The following STK33 variants were observed in gnomAD, a reference collection of about 807,000 sequenced individuals.
STK33 encodes the protein serine/threonine-protein kinase 33.
A neutral mutation model predicts 58.0 loss-of-function variants in STK33; 52 were observed. That is an observed-to-expected ratio of 0.90 (90% CI 0.72 to 1.13). The LOEUF (loss-of-function observed/expected upper bound fraction) is 1.13, where lower values mean the gene tolerates loss of function less well. Among genes scored for constraint, STK33 ranks in the 50% most tolerant of loss-of-function variants. STK33 has a pLI of 0.00. For missense variants in STK33, 630 were observed against 604.2 expected (o/e 1.04, Z -0.45); for synonymous variants, 215 against 200.1 (o/e 1.07, Z -0.63).
At position 8,413,611 on chromosome 11, in the gene STK33, C is replaced by T; in HGVS notation, c.1228G>A (p.Glu410Lys). The stretch of plus-strand genomic sequence containing the variant: ...TTATTCTTCTCTTCTGTTGTGTTTT[C>T]CTCAACACTTTCTGGGTTATTTTTC... ...EWKNNPESVE[E>K]NTTEEKNKPS... is the part of the protein sequence containing the mutation. The change falls in exon 15 of 16, where the codon GAA becomes AAA. Residue 410 changes from glutamate (E) to lysine (K), a missense_variant. Physicochemically the swap from Glu to Lys is moderately conservative, Grantham distance 56. Transcript: ENST00000687296. 3 of 1,613,986 alleles carry T rather than the reference C, an allele frequency of 1.9e-6. No individual in the cohort carries two copies. Among genetic ancestry groups the T allele is most frequent in the Non-Finnish European group, 2.5e-6 (3 of 1,179,936 alleles).
chr11:8,586,489 A>T (rs1363393062), intron 1 of STK33, among the ~76,000 whole-genome samples: 2 of 151,830 alleles, frequency 1.3e-5, no homozygotes, highest in African/African-American at 4.8e-5. Flanking sequence ...CTTCACACCA[A>T]CCAATGTGTC....
chr11:8,561,403 A>G (rs1410220665), intron 1 of STK33, among the ~76,000 whole-genome samples: 1 of 152,186 alleles, frequency 6.6e-6, no homozygotes, highest in Non-Finnish European at 1.5e-5. Flanking sequence ...GTCAGAAGCC[A>G]GTCTCATTTT....
chr11:8,494,893 T>A (rs1314670900), intron 1 of STK33, among the ~76,000 whole-genome samples: 2 of 152,206 alleles, frequency 1.3e-5, no homozygotes, highest in Non-Finnish European at 2.9e-5. Flanking sequence ...GTTAGCCATA[T>A]GTAGAAAGCT....
At chr11:8,343,040 G>A in the STK33 span, among the ~76,000 whole-genome samples, 1 of 152,372 alleles carries the variant, frequency 6.6e-6, no homozygotes, top group South Asian at 2.1e-4. Context: ...AAGTCCGCTG[G>A]GAGAAGGACT....
At chr11:8,443,452 A>C (rs1318448662) in intron 11 of STK33, among the ~76,000 whole-genome samples, 1 of 152,248 alleles carries the variant, frequency 6.6e-6, no homozygotes, top group Non-Finnish European at 1.5e-5. Flanking sequence ...AGGCTAGGAC[A>C]ACTAACATGC....
At chr11:8,580,037 C>G (rs1201671594) in intron 1 of STK33, among the ~76,000 whole-genome samples, 1 of 152,100 alleles carries the variant, frequency 6.6e-6, no homozygotes, top group Non-Finnish European at 1.5e-5. Flanking sequence ...TTAGTACAAC[C>G]ACTATGGAGA....
In STK33 at chr11:8,440,854, T is replaced by C. The variant is rs1944655957; in HGVS notation, c.872-101A>G. 6.6e-6 allele frequency: 8 copies of C among 1,204,768 alleles called. No individual in the cohort carries two copies. The Admixed American group carries it at 1.5e-4, about 22-fold the overall frequency. The allele number at this position is 1,204,768 out of a possible 1,614,324, so 74.6% of individuals were successfully genotyped here. A position where few individuals can be genotyped will look rare whatever the true frequency, so the allele number is the denominator to read the frequency against. ...AAATGTGCTGATGTGCTGTAATTTATTCCCCCATAGGGAAAAGAGAACCAA... is the reference window on the plus strand; with the variant it reads ...AAATGTGCTGATGTGCTGTAATTTACTCCCCCATAGGGAAAAGAGAACCAA... On this transcript the variant is annotated intron_variant, in intron 11 of 15. Transcript: ENST00000687296.
chr11:8,350,831 G>T, the STK33 span, among the ~76,000 whole-genome samples: 1 of 152,168 alleles, frequency 6.6e-6, no homozygotes, highest in African/African-American at 2.4e-5. Context: ...GGCACATGCT[G>T]TCCACCCTGT....
At position 8,413,610 on chromosome 11, in the gene STK33, T is replaced by C. The variant is rs763109430; in HGVS notation, c.1229A>G (p.Glu410Gly). The stretch of plus-strand genomic sequence containing the variant: ...CTTATTCTTCTCTTCTGTTGTGTTT[T>C]CCTCAACACTTTCTGGGTTATTTTT... ...EWKNNPESVE[E>G]NTTEEKNKPS... Residue 410 changes from glutamate to glycine, a missense_variant, in exon 15 of 16, where the codon GAA (glutamate) becomes GGA (glycine). Coordinates refer to ENST00000687296, the MANE Select transcript of STK33 (RefSeq NM_001352389.2). 24 of 1,613,960 alleles carry C rather than the reference T, an allele frequency of 1.5e-5. No individual in the cohort carries two copies. The highest frequency in any genetic ancestry group is 1.6e-4 in the Middle Eastern group (1 of 6,084).
At chr11:8,382,147 G>T in the STK33 span, among the ~76,000 whole-genome samples, 4 of 152,178 alleles carry the variant, frequency 2.6e-5, no homozygotes, top group Non-Finnish European at 5.9e-5. Context: ...CCACATGAAG[G>T]GACATCCTGC....
intron 1 of STK33, among the ~76,000 whole-genome samples, chr11:8,498,264 T>C (rs966767773): frequency 2.6e-5 from 4 of 151,936 alleles, no homozygotes; most frequent in African/African-American, 4.8e-5. Context: ...AAGTCATCTA[T>C]TAAAAACCCA....
intron 1 of STK33, among the ~76,000 whole-genome samples, chr11:8,553,176 A>ATATATATATATATATATATATGGTGTG (rs1956439774): frequency 1.3e-5 from 1 of 74,664 alleles, no homozygotes; most frequent in African/African-American, 7.3e-5. Context: ...AAATATATAT[A>ATATATATATATATATATATATGGTGTG]TATATATATA....
chr11:8,508,548 G>A (rs1034584777), intron 1 of STK33, among the ~76,000 whole-genome samples: 1 of 152,028 alleles, frequency 6.6e-6, no homozygotes, highest in African/African-American at 2.4e-5. Flanking sequence ...TTGGATTATA[G>A]GCATGAGCTA....
At chr11:8,385,111 T>G in the STK33 span, among the ~76,000 whole-genome samples, 2 of 152,274 alleles carry the variant, frequency 1.3e-5, no homozygotes, top group Admixed American at 1.3e-4. Context: ...TCACCTCTAA[T>G]CCATCACTGA....
intron 14 of STK33, among the ~76,000 whole-genome samples, chr11:8,428,885 C>A (rs1943084913): frequency 6.6e-6 from 1 of 151,788 alleles, no homozygotes; most frequent in Non-Finnish European, 1.5e-5. Context: ...TGATAATAAT[C>A]ATAATGAAAA....
rs767378451 is a variant in STK33 at position 8,458,492 on chromosome 11, G to GA, written c.559-1014dup. On this transcript the variant is annotated intron_variant, in intron 8 of 15. Transcript: ENST00000687296. Reference sequence around the variant, plus strand: ...TGTAGTATGCTGACTTTTGTTTCTAGAGGGTAGATGTGAGGCATAGAATCG... The same window carrying GA: ...TGTAGTATGCTGACTTTTGTTTCTAGAAGGGTAGATGTGAGGCATAGAATCG... 2.7e-5 allele frequency among the ~76,000 whole-genome samples: 4 copies of GA among 150,552 alleles called. No individual in the cohort carries two copies. The East Asian group carries it at 7.8e-4, about 29-fold the overall frequency.
At chr11:8,366,130 G>A in the STK33 span, among the ~76,000 whole-genome samples, 1 of 152,234 alleles carries the variant, frequency 6.6e-6, no homozygotes. Context: ...TGTGGGATAA[G>A]GGCTGGATAG....
chr11:8,546,744 T>C (rs1955949201), intron 1 of STK33, among the ~76,000 whole-genome samples: 1 of 152,186 alleles, frequency 6.6e-6, no homozygotes, highest in East Asian at 1.9e-4. Context: ...TCCACCCAAG[T>C]TGCTGCAAAT....
intron 14 of STK33, among the ~76,000 whole-genome samples, chr11:8,416,397 A>G (rs2135737448): frequency 6.6e-6 from 1 of 151,552 alleles, no homozygotes; most frequent in South Asian, 2.1e-4. Flanking sequence ...TCTAAATTAC[A>G]GTGTACTAAA....
Sources: gnomAD v4.1 joint callset for allele counts (sites outside exome capture counted in the v4.1 genomes callset) on GRCh38, gnomAD v4.1.1 for gene constraint, MANE v1.5 for transcripts, NCBI Gene and HGNC (gene_info 2026-07-23, HGNC 2026-07-21) for gene names.